The following INTS9 variants were observed in gnomAD, a reference collection of about 807,000 sequenced individuals.
INTS9 encodes protein related to CPSF subunits of 74 kDa.
A neutral mutation model predicts 79.7 loss-of-function variants in INTS9; 55 were observed. The observed-to-expected ratio is 0.69, with a 90% CI of 0.56 to 0.86. INTS9 has a LOEUF of 0.86. INTS9 is among the 40% of genes least tolerant of loss of function. The pLI is 0.00. For synonymous variants in INTS9, 319 were observed against 325.2 expected, an observed-to-expected ratio of 0.98 and a Z score of 0.20; for missense variants, 721 against 831.5, an observed-to-expected ratio of 0.87 and a Z score of 1.64.
intron 10 of INTS9, among the ~76,000 whole-genome samples, chr8:28,790,210 A>G (rs190816610): frequency 1.3e-5 from 2 of 152,352 alleles, no homozygotes; most frequent in East Asian, 3.9e-4. Context: ...ACCCGTTCAG[A>G]ACACCAAAGA....
intron 9 of INTS9, among the ~76,000 whole-genome samples, chr8:28,794,435 T>A (rs896411672): frequency 1.3e-5 from 2 of 152,230 alleles, no homozygotes; most frequent in African/African-American, 4.8e-5. Context: ...AACATTTGTC[T>A]GCAGGAAAAT....
intron 1 of INTS9, among the ~76,000 whole-genome samples, chr8:28,888,458 G>C (rs953016273): frequency 2.5e-4 from 38 of 151,946 alleles, no homozygotes; most frequent in African/African-American, 8.9e-4. Flanking sequence ...GACGCGGCGA[G>C]AGGATCGCTT....
At chr8:28,819,623 T>C (rs1052980127) in intron 6 of INTS9, among the ~76,000 whole-genome samples, 1 of 152,208 alleles carries the variant, frequency 6.6e-6, no homozygotes, top group African/African-American at 2.4e-5. Flanking sequence ...AAAAATTGTA[T>C]ATTCTGTTGA....
intron 4 of INTS9, among the ~76,000 whole-genome samples, chr8:28,838,693 G>T (rs1225118450): frequency 6.6e-6 from 1 of 152,056 alleles, no homozygotes; most frequent in East Asian, 1.9e-4. Context: ...GCTAATTTTT[G>T]TATTTTTAGT....
chr8:28,819,949 G>A (rs1248923648), intron 6 of INTS9, among the ~76,000 whole-genome samples: 1 of 152,130 alleles, frequency 6.6e-6, no homozygotes, highest in African/African-American at 2.4e-5. Context: ...TTTAAAGTCT[G>A]TTTTATCAGA....
intron 4 of INTS9, among the ~76,000 whole-genome samples, chr8:28,840,899 AC>A (rs1449568053): frequency 1.3e-5 from 2 of 151,890 alleles, no homozygotes; most frequent in Non-Finnish European, 2.9e-5. Flanking sequence ...TATGTAACTA[AC>A]CTGCACATTG....
At chr8:28,824,183 G>A (rs1304200886) in intron 6 of INTS9, among the ~76,000 whole-genome samples, 1 of 152,188 alleles carries the variant, frequency 6.6e-6, no homozygotes, top group Non-Finnish European at 1.5e-5. Flanking sequence ...GCAACAGGAT[G>A]CCAAAAGCCT....
chr8:28,800,643 T>C (rs1436875270), intron 8 of INTS9, among the ~76,000 whole-genome samples: 2 of 152,182 alleles, frequency 1.3e-5, no homozygotes, highest in African/African-American at 4.8e-5. Context: ...GGTGAGGAGA[T>C]GGAAGCAGCA....
intron 2 of INTS9, among the ~76,000 whole-genome samples, chr8:28,854,408 G>C (rs1171972763): frequency 1.3e-5 from 2 of 152,074 alleles, no homozygotes; most frequent in African/African-American, 4.8e-5. Context: ...GAGGTGCCAT[G>C]GGTTCACACA....
At chr8:28,812,600 A>G in intron 7 of INTS9, 139 bp from the exon 8 acceptor site, 1 of 928,308 alleles carries the variant, frequency 1.1e-6, no homozygotes, top group South Asian at 1.8e-5. Flanking sequence ...ACTGGGTGCA[A>G]TGGCTCACGC....
intron 3 of INTS9, among the ~76,000 whole-genome samples, chr8:28,847,734 T>C (rs1288581609): frequency 1.3e-5 from 2 of 152,116 alleles, no homozygotes; most frequent in African/African-American, 4.8e-5. Context: ...TGAGAGAAGG[T>C]AGTTTATATG....
intron 11 of INTS9, among the ~76,000 whole-genome samples, chr8:28,783,161 A>G (rs1484929612): frequency 4.2e-5 from 5 of 119,400 alleles, no homozygotes; most frequent in Admixed American, 3.5e-4. Flanking sequence ...AAAAAAAAAA[A>G]AAAAAAAAGA....
chr8:28,768,156 T>C lies in INTS9; in HGVS notation c.1967A>G (p.Gln656Arg), dbSNP rs1378305830. The C allele has an allele frequency of 4.3e-6, 7 of 1,614,024 alleles. No homozygotes were observed. The highest frequency in any genetic ancestry group is 2.7e-5 in the African/African-American group (2 of 74,926). Residue 656 changes from glutamine to arginine, a missense_variant, in exon 17 of 17, where the codon CAG (glutamine) becomes CGG (arginine). By Grantham distance (43) the Gln-to-Arg change is conservative. This residue lies in a region of INTS9 where 281 missense variants were observed against 300.8 expected (regional missense o/e 0.93). Coordinates refer to ENST00000521022, the MANE Select transcript of INTS9 (RefSeq NM_018250.4). ...GCTCAGATGGCCCACTCAGAACTTCTGTAAGAATTTGAGGACAAGGTCCCG... is the reference window on the plus strand; with the variant it reads ...GCTCAGATGGCCCACTCAGAACTTCCGTAAGAATTTGAGGACAAGGTCCCG... ...RLRDLVLKFL[Q>R]KF
Position 28,820,607 on chromosome 8 carries a change from G to A in INTS9, c.489-6995C>T, listed in dbSNP as rs528776087. ...GAACTTTGGTGAATCTGACAATTAC[G>A]TGTCTTGGAGTTGCTCTTCTCGAGG... On this transcript the variant is annotated intron_variant, in intron 6 of 16. Transcript: ENST00000521022. Among the ~76,000 whole-genome samples the A allele has an allele frequency of 5.3e-5, 8 of 152,192 alleles. No individual in the cohort carries two copies. The East Asian group carries it at 7.7e-4, about 15-fold the overall frequency.
chr8:28,865,604 C>CA (rs1808703136), intron 1 of INTS9, among the ~76,000 whole-genome samples: 1 of 151,942 alleles, frequency 6.6e-6, no homozygotes, highest in Non-Finnish European at 1.5e-5. Flanking sequence ...AACGTAGCCT[C>CA]AAAATACATG....
At chr8:28,809,312 T>G (rs148079374) in intron 8 of INTS9, among the ~76,000 whole-genome samples, 2 of 152,292 alleles carry the variant, frequency 1.3e-5, no homozygotes, top group East Asian at 1.9e-4. Flanking sequence ...GTGGCTGTAC[T>G]TCAACAAAAT....
At chr8:28,838,250 T>G (rs974025208) in intron 4 of INTS9, among the ~76,000 whole-genome samples, 14 of 152,028 alleles carry the variant, frequency 9.2e-5, no homozygotes, top group Admixed American at 6.5e-4. Context: ...TTTTGCTTTT[T>G]TTTTTCTTTT....
intron 1 of INTS9, among the ~76,000 whole-genome samples, chr8:28,880,326 C>T (rs1364205528): frequency 1.3e-5 from 2 of 151,092 alleles, no homozygotes; most frequent in Non-Finnish European, 3.0e-5. Flanking sequence ...CTGGACGGTA[C>T]TGCTGCCATC....
chr8:28,880,463 G>A (rs1809664801), intron 1 of INTS9, among the ~76,000 whole-genome samples: 1 of 152,120 alleles, frequency 6.6e-6, no homozygotes, highest in Non-Finnish European at 1.5e-5. Flanking sequence ...GTTTCGATGT[G>A]TTGGCCGGGC....
Sources: gnomAD v4.1 joint callset for allele counts (sites outside exome capture counted in the v4.1 genomes callset) on GRCh38, gnomAD v4.1.1 for gene constraint, gnomAD v4.1.1 regional missense constraint, MANE v1.5 for transcripts, NCBI Gene and HGNC (gene_info 2026-07-23, HGNC 2026-07-21) for gene names.